The following KCTD1 variants were observed in gnomAD, a reference collection of about 807,000 sequenced individuals.
The protein encoded by KCTD1 is BTB/POZ domain-containing protein KCTD1.
KCTD1 carries 24 observed loss-of-function variants against 66.0 expected under a neutral mutation model. The ratio of observed to expected loss-of-function variants is 0.36; its 90% CI spans 0.26 to 0.51. The LOEUF is 0.51. Ranked by LOEUF, KCTD1 falls within the 20% of genes least tolerant of loss-of-function variation. KCTD1 has a pLI of 0.95. For missense variants in KCTD1, 943 were observed against 1,205.2 expected (o/e 0.78, Z 3.22); for synonymous variants, 511 against 517.2 (o/e 0.99, Z 0.16).
At position 26,547,758 on chromosome 18, in the gene KCTD1, T is replaced by C; in HGVS notation, c.779A>G (p.Asn260Ser). 1.9e-6 allele frequency: 3 copies of C among 1,543,852 alleles called. No individual in the cohort carries two copies. Among genetic ancestry groups the C allele is most frequent in the Non-Finnish European group, 2.6e-6 (3 of 1,146,702 alleles). ...GCGGATGACCGCGGCCAGCGTCAGGTTGGCGCTGCGCAGCTCGGGGTCCTT... is the reference window on the plus strand; with the variant it reads ...GCGGATGACCGCGGCCAGCGTCAGGCTGGCGCTGCGCAGCTCGGGGTCCTT... Reference protein sequence around the residue: ...LTKDPELRSANLTLAAVIRKL... With the variant: ...LTKDPELRSASLTLAAVIRKL... The change falls in exon 1 of 5, where the codon AAC becomes AGC. Residue 260 changes from asparagine to serine, a missense_variant. Physicochemically the swap from Asn to Ser is conservative, Grantham distance 46. Around this residue, in one of 10 missense-constraint regions of KCTD1, gnomAD observed 61 missense variants for 109.6 expected, o/e 0.56. Transcript: ENST00000580059.
At position 26,547,112 on chromosome 18, in the gene KCTD1, G is replaced by A. The variant is rs1369283647; in HGVS notation, c.1425C>T (p.Ala475=). ...GAGCCTCGGCGTAGCAGCCCTGCGGGGCGGGCGAGCCCAGCTTGGTGCCAA... is the reference window on the plus strand; with the variant it reads ...GAGCCTCGGCGTAGCAGCCCTGCGGAGCGGGCGAGCCCAGCTTGGTGCCAA... The part of the protein sequence containing the change: ...AGIGTKLGSP[A]PQGCYAEALN... The change falls in exon 1 of 5, where the codon GCC becomes GCT. Residue 475 remains alanine (A), a synonymous_variant. Coordinates refer to ENST00000580059, the MANE Select transcript of KCTD1 (RefSeq NM_001142730.3). 7.1e-6 allele frequency: 11 copies of A among 1,549,420 alleles called. No individual in the cohort carries two copies. In the South Asian group the frequency reaches 1.1e-4, roughly 15 times the overall value.
At chr18:26,461,870 CT>C (rs2144542083) in intron 3 of KCTD1, among the ~76,000 whole-genome samples, 3 of 152,314 alleles carry the variant, frequency 2.0e-5, no homozygotes, top group Non-Finnish European at 4.4e-5. Flanking sequence ...AATCCCAGCA[CT>C]TTGGGAGGCC....
chr18:26,475,368 T>C lies in KCTD1; in HGVS notation c.2133+1147A>G, dbSNP rs77426166. On this transcript the variant is annotated intron_variant, in intron 3 of 4. Coordinates refer to ENST00000580059, the MANE Select transcript of KCTD1 (RefSeq NM_001142730.3). ...AGGATAACTGACATCTTAACAATAT[T>C]GAGGTTTCCCATCCAGGAACCTAGA... 6.5e-3 allele frequency among the ~76,000 whole-genome samples: 994 copies of C among 152,348 alleles called. 11 individuals are homozygous for C. Among genetic ancestry groups the C allele is most frequent in the African/African-American group, 0.023 (951 of 41,584 alleles).
chr18:26,652,150 T>C (rs1988049173), intron 1 of KCTD1, among the ~76,000 whole-genome samples: 1 of 152,178 alleles, frequency 6.6e-6, no homozygotes, highest in Non-Finnish European at 1.5e-5. Flanking sequence ...GAAAGTGCCC[T>C]TTGGGGTTGA....
At chr18:26,549,439 G>C, upstream of KCTD1, 2 of 985,742 alleles carry the variant, frequency 2.0e-6, no homozygotes, top group Non-Finnish European at 2.4e-6. Context: ...GGTCCAGCCA[G>C]CCCCGGGAAG....
chr18:26,581,102 A>G (rs574335003), intron 1 of KCTD1: 1 of 152,360 alleles, frequency 6.6e-6, no homozygotes, highest in East Asian at 1.9e-4. Context: ...CTATACAAAT[A>G]TGAAAAAGAA....
At chr18:26,593,072 C>A (rs1377337137) in intron 1 of KCTD1, among the ~76,000 whole-genome samples, 4 of 152,202 alleles carry the variant, frequency 2.6e-5, no homozygotes, top group Non-Finnish European at 5.9e-5. Flanking sequence ...TCTCTCCAGT[C>A]TCTCGTCCCC....
At chr18:26,570,710 C>T (rs1986087864) in intron 1 of KCTD1, among the ~76,000 whole-genome samples, 1 of 152,172 alleles carries the variant, frequency 6.6e-6, no homozygotes, top group Admixed American at 6.5e-5. Flanking sequence ...CACACCGGGC[C>T]TCTATTACTT....
intron 3 of KCTD1, among the ~76,000 whole-genome samples, chr18:26,475,619 G>C (rs948360072): frequency 3.9e-5 from 6 of 152,180 alleles, no homozygotes; most frequent in African/African-American, 1.4e-4. Context: ...GGGAGGCTGA[G>C]GCAGGTGGAT....
chr18:26,612,954 G>A (rs554611994), intron 1 of KCTD1, among the ~76,000 whole-genome samples: 2 of 152,190 alleles, frequency 1.3e-5, no homozygotes, highest in African/African-American at 2.4e-5. Context: ...GCTGGAAGCA[G>A]AAGTCCTCAC....
chr18:26,613,560 T>C (rs1487884814), intron 1 of KCTD1, among the ~76,000 whole-genome samples: 3 of 152,150 alleles, frequency 2.0e-5, no homozygotes, highest in African/African-American at 7.2e-5. Context: ...ATTCTGGAGA[T>C]TCAAATTAAC....
At position 26,585,760 on chromosome 18, in the gene KCTD1, G is replaced by C. The variant is rs538160903; in HGVS notation, c.-16+43387C>G. Among the ~76,000 whole-genome samples, 5 of 152,292 alleles carry C rather than the reference G, an allele frequency of 3.3e-5. No individual in the cohort carries two copies. In the South Asian group the frequency reaches 8.3e-4, roughly 25 times the overall value. Reference sequence around the variant, plus strand: ...AAAATTGGCAAAATGAGAATAATAAGCACCCTTTGGACAGATTTTCCCTGG... The same window carrying C: ...AAAATTGGCAAAATGAGAATAATAACCACCCTTTGGACAGATTTTCCCTGG... On this transcript the variant is annotated intron_variant, in intron 1 of 4. Transcript: ENST00000317932.
intron 1 of KCTD1, among the ~76,000 whole-genome samples, chr18:26,517,778 G>A (rs895658068): frequency 9.9e-5 from 15 of 151,704 alleles, no homozygotes; most frequent in African/African-American, 3.4e-4. Context: ...CCCCAGTTAC[G>A]TGGAACTGTA....
chr18:26,469,377 G>A (rs148399826), intron 3 of KCTD1, among the ~76,000 whole-genome samples: 13 of 152,236 alleles, frequency 8.5e-5, no homozygotes, highest in South Asian at 6.2e-4. Context: ...GTTGAACTCC[G>A]TGTGGAAGTT....
chr18:26,549,865 C>T, upstream of KCTD1: 1 of 948,990 alleles, frequency 1.1e-6, no homozygotes, highest in Non-Finnish European at 1.3e-6. Context: ...CACTGCCCCA[C>T]TTCCAGCCAA....
At chr18:26,535,117 G>GGGC (rs1984634933) in intron 1 of KCTD1, among the ~76,000 whole-genome samples, 4 of 137,002 alleles carry the variant, frequency 2.9e-5, no homozygotes, top group Non-Finnish European at 4.7e-5. Context: ...TGGGGGGTGG[G>GGGC]GGTGGAGCTG....
intron 1 of KCTD1, among the ~76,000 whole-genome samples, chr18:26,608,626 CCCT>C (rs1328966512): frequency 6.6e-6 from 1 of 152,180 alleles, no homozygotes; most frequent in Non-Finnish European, 1.5e-5. Flanking sequence ...GCCCGCTGCC[CCCT>C]CATTATTCTT....
chr18:26,586,893 G>A (rs752067884), intron 1 of KCTD1, among the ~76,000 whole-genome samples: 1 of 152,198 alleles, frequency 6.6e-6, no homozygotes, highest in Non-Finnish European at 1.5e-5. Context: ...GGTTCATGAG[G>A]TTTAAGGAAA....
intron 1 of KCTD1, among the ~76,000 whole-genome samples, chr18:26,570,390 T>C (rs1017221106): frequency 6.6e-6 from 1 of 151,980 alleles, no homozygotes; most frequent in Non-Finnish European, 1.5e-5. Context: ...CCAGTTTTAC[T>C]ATAATCCTAA....
Sources: gnomAD v4.1 joint callset for allele counts (sites outside exome capture counted in the v4.1 genomes callset) on GRCh38, gnomAD v4.1.1 for gene constraint, gnomAD v4.1.1 regional missense constraint, MANE v1.5 for transcripts, NCBI Gene and HGNC (gene_info 2026-07-23, HGNC 2026-07-21) for gene names.